The following KCNIP4 variants were observed in gnomAD, a reference collection of about 807,000 sequenced individuals.
The protein encoded by KCNIP4 is potassium voltage-gated channel interacting protein 4.
Under a neutral mutation model 34.0 loss-of-function variants are expected in KCNIP4, and 12 were observed. The ratio of observed to expected loss-of-function variants is 0.35; its 90% CI spans 0.23 to 0.57. The LOEUF (loss-of-function observed/expected upper bound fraction) is 0.57. Among genes scored for constraint, KCNIP4 ranks in the 20% least tolerant of loss-of-function variants. KCNIP4 has a pLI of 0.83. For synonymous variants in KCNIP4, 124 were observed against 102.2 expected (o/e 1.21, Z -1.29); for missense variants, 238 against 311.7 (o/e 0.76, Z 1.78).
intron 1 of KCNIP4, among the ~76,000 whole-genome samples, chr4:21,736,504 C>T (rs531281407): frequency 6.6e-6 from 1 of 152,226 alleles, no homozygotes; most frequent in African/African-American, 2.4e-5. Flanking sequence ...GTCCCAACCA[C>T]ACTGAACTAG....
At chr4:20,963,623 T>C (rs1297607852) in intron 1 of KCNIP4, among the ~76,000 whole-genome samples, 1 of 152,030 alleles carries the variant, frequency 6.6e-6, no homozygotes, top group East Asian at 1.9e-4. Flanking sequence ...AGAAATGCAA[T>C]AAACACAGTA....
At chr4:20,959,007 A>G (rs1336478846) in intron 1 of KCNIP4, among the ~76,000 whole-genome samples, 1 of 152,218 alleles carries the variant, frequency 6.6e-6, no homozygotes, top group East Asian at 1.9e-4. Context: ...TGTTGAAATC[A>G]GTGGGTGTAT....
At chr4:21,658,991 G>C (rs1748205754) in intron 1 of KCNIP4, among the ~76,000 whole-genome samples, 2 of 152,116 alleles carry the variant, frequency 1.3e-5, no homozygotes, top group African/African-American at 2.4e-5. Flanking sequence ...TTAGTAAGTG[G>C]ACCTGTTCAA....
intron 1 of KCNIP4, among the ~76,000 whole-genome samples, chr4:20,941,690 C>A (rs1731655411): frequency 6.6e-6 from 1 of 152,152 alleles, no homozygotes; most frequent in African/African-American, 2.4e-5. Flanking sequence ...GTTATGTAAT[C>A]TTCTATTTCA....
chr4:21,838,520 A>G (rs1220380067), intron 1 of KCNIP4, among the ~76,000 whole-genome samples: 3 of 152,188 alleles, frequency 2.0e-5, no homozygotes, highest in Admixed American at 6.5e-5. Flanking sequence ...AATTTCTTCT[A>G]TGTATTCTGG....
intron 1 of KCNIP4, among the ~76,000 whole-genome samples, chr4:21,767,331 G>A (rs1442154737): frequency 6.6e-6 from 1 of 151,970 alleles, no homozygotes; most frequent in African/African-American, 2.4e-5. Flanking sequence ...AGAGCAGGGT[G>A]GGGCAGAGCT....
chr4:21,418,056 C>T (rs1560385541), intron 1 of KCNIP4, among the ~76,000 whole-genome samples: 1 of 152,254 alleles, frequency 6.6e-6, no homozygotes, highest in East Asian at 1.9e-4. Flanking sequence ...CTCTAGAAAG[C>T]AGAATGTGTG....
intron 3 of KCNIP4, among the ~76,000 whole-genome samples, chr4:20,762,705 C>T (rs989365940): frequency 2.0e-5 from 3 of 152,172 alleles, no homozygotes; most frequent in African/African-American, 7.2e-5. Context: ...TCAAATGTCC[C>T]TTAATCAAAA....
chr4:20,738,880 A>G (rs1351283917), intron 5 of KCNIP4, among the ~76,000 whole-genome samples: 2 of 152,176 alleles, frequency 1.3e-5, no homozygotes, highest in Non-Finnish European at 2.9e-5. Context: ...GAATCAGGAC[A>G]CTTCCTGCCA....
chr4:21,436,125 A>G (rs1041955763), intron 1 of KCNIP4, among the ~76,000 whole-genome samples: 6 of 152,198 alleles, frequency 3.9e-5, no homozygotes, highest in African/African-American at 1.4e-4. Flanking sequence ...GGGGTTCATC[A>G]TGTTGTTCCT....
intron 3 of KCNIP4, among the ~76,000 whole-genome samples, chr4:20,772,688 C>A (rs945674450): frequency 2.0e-5 from 3 of 151,664 alleles, no homozygotes; most frequent in Admixed American, 1.3e-4. Context: ...GTCTCCCAGG[C>A]TGGAATACAA....
intron 1 of KCNIP4, among the ~76,000 whole-genome samples, chr4:21,634,752 G>A (rs1656769715): frequency 6.6e-6 from 1 of 152,162 alleles, no homozygotes; most frequent in African/African-American, 2.4e-5. Flanking sequence ...CAGGATCTCA[G>A]AAGGATTAAA....
At chr4:20,921,229 C>T (rs997361046) in intron 1 of KCNIP4, among the ~76,000 whole-genome samples, 88 of 152,182 alleles carry the variant, frequency 5.8e-4, no homozygotes, top group African/African-American at 1.7e-3. Flanking sequence ...TCTAAGTTGA[C>T]GCCAATGTTT....
At chr4:21,898,695 G>T (rs1345492808) in intron 1 of KCNIP4, among the ~76,000 whole-genome samples, 1 of 152,112 alleles carries the variant, frequency 6.6e-6, no homozygotes, top group African/African-American at 2.4e-5. Flanking sequence ...CAAACTTCAG[G>T]TGTGACCCAG....
intron 2 of KCNIP4, among the ~76,000 whole-genome samples, chr4:20,872,210 G>A (rs1177407543): frequency 6.6e-6 from 1 of 152,120 alleles, no homozygotes; most frequent in Non-Finnish European, 1.5e-5. Context: ...TGAAAACACT[G>A]TAATATGCTA....
rs1428981686 is a variant in KCNIP4, at chr4:20,729,961, TTGTTTGCATAATA to T, written c.*108_*120del. The stretch of plus-strand genomic sequence containing the variant: ...GGATTGCTTTATATTAAAACAAAGC[TTGTTTGCATAATA>T]TGCTTCAGTGTCAAGCTGAGCAATC... On this transcript the variant is annotated 3_prime_UTR_variant, in exon 9 of 9. Coordinates refer to ENST00000382152, the MANE Select transcript of KCNIP4 (RefSeq NM_025221.6). 11 of 1,174,630 alleles carry T rather than the reference TTGTTTGCATAATA, an allele frequency of 9.4e-6. No individual in the cohort carries two copies. In the African/African-American group the frequency reaches 1.3e-4, roughly 13 times the overall value. 72.8% of individuals were successfully genotyped at this position (1,174,630 alleles called of 1,614,324 possible).
intron 1 of KCNIP4, among the ~76,000 whole-genome samples, chr4:21,462,993 C>T (rs186512198): frequency 7.1e-4 from 108 of 152,026 alleles, no homozygotes; most frequent in African/African-American, 2.4e-3. Flanking sequence ...TGAGACATCT[C>T]CTTGACATAC....
At chr4:21,065,288 A>G (rs1744249920) in intron 1 of KCNIP4, among the ~76,000 whole-genome samples, 1 of 152,184 alleles carries the variant, frequency 6.6e-6, no homozygotes, top group South Asian at 2.1e-4. Flanking sequence ...AGAGGCCACC[A>G]TGAAAATGAG....
intron 1 of KCNIP4, among the ~76,000 whole-genome samples, chr4:21,200,543 A>T (rs778695683): frequency 6.6e-6 from 1 of 151,966 alleles, no homozygotes; most frequent in Non-Finnish European, 1.5e-5. Flanking sequence ...CAGGAATGGA[A>T]AACCAATATT....
Sources: gnomAD v4.1 joint callset for allele counts (sites outside exome capture counted in the v4.1 genomes callset) on GRCh38, gnomAD v4.1.1 for gene constraint, MANE v1.5 for transcripts, NCBI Gene and HGNC (gene_info 2026-07-23, HGNC 2026-07-21) for gene names.